Variants in CSMD1 observed in about 807,000 individuals in gnomAD.
The protein encoded by CSMD1 is CUB and Sushi multiple domains 1.
A neutral mutation model predicts 417.5 loss-of-function variants in CSMD1; 213 were observed. The ratio of observed to expected loss-of-function variants is 0.51; its 90% CI spans 0.46 to 0.57. The LOEUF is 0.57. CSMD1 is among the 20% of genes least tolerant of loss of function. The probability of loss-of-function intolerance (pLI) is 0.00; values close to 1 mark genes in which losing one functional copy is unlikely to be tolerated. For missense variants in CSMD1, 6,923 were observed against 4,529.7 expected, an observed-to-expected ratio of 1.53 and a Z score of -15.17; for synonymous variants, 2,862 against 1,736.8, an observed-to-expected ratio of 1.65 and a Z score of -16.11.
At chr8:4,587,937 G>T (rs766721467) in intron 2 of CSMD1, among the ~76,000 whole-genome samples, 10 of 152,186 alleles carry the variant, frequency 6.6e-5, no homozygotes, top group Non-Finnish European at 1.2e-4. Context: ...AGTGATAGAA[G>T]GAGATTGTGT....
At chr8:3,909,549 A>G (rs189691621) in intron 5 of CSMD1, among the ~76,000 whole-genome samples, 2 of 152,208 alleles carry the variant, frequency 1.3e-5, no homozygotes, top group East Asian at 1.9e-4. Context: ...AGGTATTTCA[A>G]CCCTAGGGAG....
At chr8:4,832,443 G>T (rs116585450) in intron 1 of CSMD1, among the ~76,000 whole-genome samples, 1 of 152,136 alleles carries the variant, frequency 6.6e-6, no homozygotes, top group African/African-American at 2.4e-5. Flanking sequence ...GAGAAGAGGC[G>T]CTGTGGCCAG....
At chr8:3,595,889 A>T (rs1268572162) in intron 8 of CSMD1, among the ~76,000 whole-genome samples, 1 of 152,142 alleles carries the variant, frequency 6.6e-6, no homozygotes, top group Non-Finnish European at 1.5e-5. Context: ...TGCAGCCAGG[A>T]CTGTGGGGAA....
chr8:4,923,907 G>A (rs2117156432), intron 1 of CSMD1, among the ~76,000 whole-genome samples: 1 of 152,252 alleles, frequency 6.6e-6, no homozygotes, highest in Non-Finnish European at 1.5e-5. Context: ...AGGTTTCTTT[G>A]GTTTGGGTTC....
chr8:3,892,685 G>C (rs1345628854), intron 5 of CSMD1, among the ~76,000 whole-genome samples: 2 of 147,526 alleles, frequency 1.4e-5, no homozygotes, highest in East Asian at 4.0e-4. Flanking sequence ...GGTGAATTAA[G>C]TAGGCACTTA....
At chr8:3,627,652 A>C in intron 7 of CSMD1, among the ~76,000 whole-genome samples, 1 of 152,200 alleles carries the variant, frequency 6.6e-6, no homozygotes, top group East Asian at 1.9e-4. Flanking sequence ...ATAATAAAAC[A>C]GGAAGGGTGA....
intron 3 of CSMD1, among the ~76,000 whole-genome samples, chr8:4,270,159 T>G (rs1330146955): frequency 6.6e-6 from 1 of 152,226 alleles, no homozygotes; most frequent in Non-Finnish European, 1.5e-5. Flanking sequence ...GACGAGAGAC[T>G]TGAAGGAGGC....
At chr8:3,689,469 C>T (rs1393350026) in intron 7 of CSMD1, among the ~76,000 whole-genome samples, 2 of 152,174 alleles carry the variant, frequency 1.3e-5, no homozygotes, top group African/African-American at 4.8e-5. Context: ...TAGAAAGATT[C>T]TTGAAGACAG....
intron 5 of CSMD1, among the ~76,000 whole-genome samples, chr8:3,946,171 A>T (rs1482815238): frequency 6.6e-6 from 1 of 152,126 alleles, no homozygotes; most frequent in Admixed American, 6.5e-5. Context: ...AAATAAGATT[A>T]TTACAAAGAA....
chr8:3,737,147 A>C (rs1796562020), intron 6 of CSMD1, among the ~76,000 whole-genome samples: 1 of 152,242 alleles, frequency 6.6e-6, no homozygotes, highest in South Asian at 2.1e-4. Flanking sequence ...ATGGGAACAG[A>C]GACAATTAGT....
intron 2 of CSMD1, among the ~76,000 whole-genome samples, chr8:4,472,100 C>T (rs137994332): frequency 6.6e-6 from 1 of 152,160 alleles, no homozygotes; most frequent in African/African-American, 2.4e-5. Context: ...GAGATCTGTT[C>T]TAAAGAATGC....
chr8:3,585,610 G>A (rs1247829018), intron 9 of CSMD1, among the ~76,000 whole-genome samples: 1 of 152,030 alleles, frequency 6.6e-6, no homozygotes, highest in Non-Finnish European at 1.5e-5. Context: ...TGTTTTATTA[G>A]AAAATGATGA....
intron 4 of CSMD1, among the ~76,000 whole-genome samples, chr8:4,012,732 A>C (rs550535544): frequency 3.3e-5 from 5 of 152,278 alleles, no homozygotes; most frequent in African/African-American, 1.2e-4. Flanking sequence ...ATCCAGACTA[A>C]CTAGCCCTAA....
chr8:4,082,094 C>G (rs1051476507), intron 3 of CSMD1, among the ~76,000 whole-genome samples: 1 of 151,770 alleles, frequency 6.6e-6, no homozygotes, highest in Non-Finnish European at 1.5e-5. Context: ...TGAGACTTAT[C>G]AAGAAAAAGA....
At chr8:4,332,544 A>G (rs887213180) in intron 3 of CSMD1, among the ~76,000 whole-genome samples, 13 of 140,672 alleles carry the variant, frequency 9.2e-5, no homozygotes, top group Middle Eastern at 3.5e-3. Context: ...TTCTGTCATG[A>G]TATCACATAC....
chr8:4,209,929 T>G (rs1800208901), intron 3 of CSMD1, among the ~76,000 whole-genome samples: 1 of 152,222 alleles, frequency 6.6e-6, no homozygotes, highest in Admixed American at 6.5e-5. Flanking sequence ...TGACCACGTC[T>G]GGGTGTTGCT....
chr8:3,973,560 G>C (rs1813220687), intron 5 of CSMD1, among the ~76,000 whole-genome samples: 1 of 151,978 alleles, frequency 6.6e-6, no homozygotes, highest in Admixed American at 6.6e-5. Flanking sequence ...ATTCTTTCTT[G>C]TCATTCTAGA....
intron 23 of CSMD1, among the ~76,000 whole-genome samples, chr8:3,315,909 A>T (rs915566524): frequency 6.6e-6 from 1 of 152,216 alleles, no homozygotes; most frequent in African/African-American, 2.4e-5. Context: ...ATCCCAAGTG[A>T]ATTTAATGCT....
At chr8:4,175,912 T>C (rs900105637) in intron 3 of CSMD1, among the ~76,000 whole-genome samples, 1 of 152,128 alleles carries the variant, frequency 6.6e-6, no homozygotes, top group Non-Finnish European at 1.5e-5. Context: ...ATTACCACTT[T>C]TCTGTGTGGT....
Sources: allele counts gnomAD v4.1 joint callset (sites outside exome capture counted in the v4.1 genomes callset), GRCh38; gene constraint gnomAD v4.1.1; transcripts MANE v1.5; gene names NCBI Gene and HGNC (gene_info 2026-07-23, HGNC 2026-07-21).